Variants in CSNK1E observed in about 807,000 individuals in gnomAD.
The protein encoded by CSNK1E is casein kinase 1 epsilon.
Under a neutral mutation model 46.1 loss-of-function variants are expected in CSNK1E, and 17 were observed. That is an observed-to-expected ratio of 0.37 (90% CI 0.25 to 0.55). CSNK1E has a LOEUF of 0.55. Among genes scored for constraint, CSNK1E ranks in the 20% least tolerant of loss-of-function variants. The pLI is 0.82. For missense variants in CSNK1E, 386 were observed against 595.4 expected (o/e 0.65, Z 3.66); for synonymous variants, 241 against 242.6 (o/e 0.99, Z 0.06).
chr22:38,295,099 G>A (rs1048227692), intron 7 of CSNK1E, among the ~76,000 whole-genome samples: 3 of 152,184 alleles, frequency 2.0e-5, no homozygotes, highest in African/African-American at 4.8e-5. Flanking sequence ...TCCCCCTGCC[G>A]GGACCTGGCA....
At position 38,294,487 on chromosome 22, in the gene CSNK1E, G is replaced by A. The variant is rs755653189; in HGVS notation, c.933C>T (p.His311=). ...GCTGCCCCATCCTCTCCTCGCGTTC[G>A]TGTTCTCGCCGCTCCCGGTCCACAT... ...PEDVDRERRE[H]EREERMGQLR... Residue 311 remains histidine, a synonymous_variant, in exon 8 of 11, where the codon CAC becomes CAT. Transcript: ENST00000396832. The surrounding 1 kb of genome is among the most constrained non-coding windows in gnomAD (Gnocchi z 5.5). 16 of 1,594,474 alleles carry A rather than the reference G, an allele frequency of 1.0e-5. No individual in the cohort carries two copies. The highest frequency in any genetic ancestry group is 5.7e-5 in the South Asian group (5 of 88,234).
Position 38,291,338 on chromosome 22 carries a change from C to CCCCA in CSNK1E, c.*632_*633insTGGG, listed in dbSNP as rs1749798532. ...TCTTGGGAAACACAGGTCAATACAT[C>CCCCA]CACACACACACACACACACACACAC... On this transcript the variant is annotated 3_prime_UTR_variant, in exon 11 of 11. Transcript: ENST00000396832. 1 of 147,930 alleles carries CCCCA rather than the reference C, an allele frequency of 6.8e-6. No individual in the cohort carries two copies. The highest frequency in any genetic ancestry group is 1.5e-5 in the Non-Finnish European group (1 of 66,840). 9.2% of individuals were successfully genotyped at this position (147,930 alleles called of 1,614,324 possible).
chr22:38,317,978 G>C (rs1322728098), upstream of CSNK1E: 2 of 152,374 alleles, frequency 1.3e-5, no homozygotes, highest in African/African-American at 4.8e-5. Flanking sequence ...GGTAGCCTGG[G>C]CTCATACATT....
rs1201747282 is a variant in CSNK1E, at chr22:38,300,870, T to C, written c.419A>G (p.Lys140Arg). The C allele has an allele frequency of 2.5e-6, 4 of 1,614,100 alleles. No homozygotes were observed. The Admixed American group carries it at 6.7e-5, about 27-fold the overall frequency. ...GATGATGTAGACCAGGTTGCCCTTC[T>C]TCCCCAGCCCCATGAGGAAGTTGTC... is the stretch of plus-strand genomic sequence containing the variant. ...KPDNFLMGLG[K>R]KGNLVYIIDF... The change falls in exon 5 of 11, where the codon AAG (lysine) becomes AGG (arginine). Residue 140 changes from lysine to arginine, a missense_variant. Physicochemically the swap from Lys to Arg is conservative, Grantham distance 26. Coordinates refer to ENST00000396832, the MANE Select transcript of CSNK1E (RefSeq NM_152221.3). This position sits in a 1 kb window ranked among gnomAD's most constrained non-coding sequence, Gnocchi z 4.4.
intron 4 of CSNK1E, among the ~76,000 whole-genome samples, chr22:38,301,785 T>C (rs1162122427): frequency 6.6e-6 from 1 of 152,164 alleles, no homozygotes; most frequent in African/African-American, 2.4e-5. Flanking sequence ...CCTCTGGCTC[T>C]GGCCCCAGGT....
chr22:38,290,804 T>G lies in CSNK1E; in HGVS notation c.*1167A>C, dbSNP rs573873476. 1.1e-3 allele frequency: 162 copies of G among 151,982 alleles called. No individual in the cohort carries two copies. Among genetic ancestry groups the G allele is most frequent in the African/African-American group, 3.7e-3 (151 of 41,328 alleles). The allele number at this position is 151,982 out of a possible 1,614,324, so 9.4% of individuals were successfully genotyped here. On this transcript the variant is annotated 3_prime_UTR_variant, in exon 11 of 11. Transcript: ENST00000396832. ...AAATTCCCCCCAAAGTTCTTCAGTTTTTTTTTTTTCAGTTTTTTAAATTAC... is the reference window on the plus strand; with the variant it reads ...AAATTCCCCCCAAAGTTCTTCAGTTGTTTTTTTTTCAGTTTTTTAAATTAC...
chr22:38,298,873 G>A lies in CSNK1E; in HGVS notation c.798C>T (p.Tyr266=), dbSNP rs926215707. 1 of 1,614,228 alleles carries A rather than the reference G, an allele frequency of 6.2e-7. No individual in the cohort carries two copies. Among genetic ancestry groups the A allele is most frequent in the Admixed American group, 1.7e-5 (1 of 60,028 alleles). The stretch of plus-strand genomic sequence containing the variant: ...TGCGGAAGAGCTGACGTAGGTAAGA[G>A]TAGTCGGGCTTGTCGTCAAACCGCA... The part of the protein sequence containing the change: ...RSLRFDDKPD[Y]SYLRQLFRNL... The change falls in exon 7 of 11, where the codon TAC becomes TAT. Residue 266 remains tyrosine (Y), a synonymous_variant. Coordinates refer to ENST00000396832, the MANE Select transcript of CSNK1E (RefSeq NM_152221.3). This position sits in a 1 kb window ranked among gnomAD's most constrained non-coding sequence, Gnocchi z 4.2.
chr22:38,303,107 C>T lies in CSNK1E; in HGVS notation c.187+31G>A, dbSNP rs1325481586. ...TCATGGCTGCCCACCGCCACCCACC[C>T]GGCGCCCGCCGCCGCCCACCCTGCG... is the stretch of plus-strand genomic sequence containing the variant. On this transcript the variant is annotated intron_variant, in intron 3 of 10. Coordinates refer to ENST00000396832, the MANE Select transcript of CSNK1E (RefSeq NM_152221.3). The surrounding 1 kb of genome is among the most constrained non-coding windows in gnomAD (Gnocchi z 4.7). 7.4e-5 allele frequency: 118 copies of T among 1,598,052 alleles called. No homozygotes were observed. The highest frequency in any genetic ancestry group is 9.5e-5 in the Non-Finnish European group (112 of 1,173,400).
At chr22:38,297,952 C>T in intron 7 of CSNK1E, 1 of 1,125,624 alleles carries the variant, frequency 8.9e-7, no homozygotes, top group Non-Finnish European at 1.1e-6. Flanking sequence ...TCCACCTCCT[C>T]CACCGGCCTA....
intron 4 of CSNK1E, 92 bp downstream of exon 4, chr22:38,302,769 C>T: frequency 6.7e-7 from 1 of 1,494,122 alleles, no homozygotes; most frequent in Non-Finnish European, 9.2e-7. Context: ...CTGGCCCAGG[C>T]CCATCCTCTG....
chr22:38,308,453 A>G (rs1450033753), intron 2 of CSNK1E, among the ~76,000 whole-genome samples: 1 of 152,028 alleles, frequency 6.6e-6, no homozygotes, highest in Admixed American at 6.6e-5. Flanking sequence ...TGAGTTTCAG[A>G]GCCAACCTAC....
Position 38,300,712 on chromosome 22 carries a change from T to C in CSNK1E, c.565+12A>G. Reference sequence around the variant, plus strand: ...CCCCGGGTGCACACTGCTCCAGGCCTGGCTCCCTCACCAATGCCCAGGTGC... The same window carrying C: ...CCCCGGGTGCACACTGCTCCAGGCCCGGCTCCCTCACCAATGCCCAGGTGC... On this transcript the variant is annotated intron_variant, in intron 5 of 10. Coordinates refer to ENST00000396832, the MANE Select transcript of CSNK1E (RefSeq NM_152221.3). The surrounding 1 kb of genome is among the most constrained non-coding windows in gnomAD (Gnocchi z 4.4). The C allele has an allele frequency of 6.2e-7, 1 of 1,613,334 alleles. No homozygotes were observed. The highest frequency in any genetic ancestry group is 8.5e-7 in the Non-Finnish European group (1 of 1,179,392).
chr22:38,296,347 T>C, intron 7 of CSNK1E: 6 of 1,365,694 alleles, frequency 4.4e-6, no homozygotes, highest in South Asian at 3.6e-5. Flanking sequence ...CGGAACACAG[T>C]GGCTGTATGT....
chr22:38,297,758 T>A, intron 7 of CSNK1E: 4 of 998,722 alleles, frequency 4.0e-6, no homozygotes, highest in Non-Finnish European at 4.8e-6. Context: ...AAGGACCCCA[T>A]GGCAGGGCCT....
At position 38,300,579 on chromosome 22, in the gene CSNK1E, G is replaced by A. The variant is rs2092665838; in HGVS notation, c.565+145C>T. On this transcript the variant is annotated intron_variant, in intron 5 of 10. Transcript: ENST00000396832. This position sits in a 1 kb window ranked among gnomAD's most constrained non-coding sequence, Gnocchi z 4.4. Reference sequence around the variant, plus strand: ...CTGTGCAAGGACACGGAATAAGCACGAGCTTGGGGGCAGACGGGGTGGGGA... The same window carrying A: ...CTGTGCAAGGACACGGAATAAGCACAAGCTTGGGGGCAGACGGGGTGGGGA... The A allele has an allele frequency of 6.5e-6, 5 of 766,420 alleles. No individual in the cohort carries two copies. The highest frequency in any genetic ancestry group is 3.6e-5 in the South Asian group (2 of 55,684). The allele number at this position is 766,420 out of a possible 1,614,324, so 47.5% of individuals were successfully genotyped here.
intron 2 of CSNK1E, among the ~76,000 whole-genome samples, chr22:38,313,567 A>G (rs976331176): frequency 1.3e-5 from 2 of 152,190 alleles, no homozygotes; most frequent in Non-Finnish European, 2.9e-5. Flanking sequence ...AAAGAGAGAG[A>G]GAGAACTCCC....
chr22:38,291,486 T>C lies in CSNK1E; in HGVS notation c.*485A>G, dbSNP rs2092610425. 6.6e-6 allele frequency: 1 copy of C among 151,640 alleles called. No individual in the cohort carries two copies. The highest frequency in any genetic ancestry group is 2.4e-5 in the African/African-American group (1 of 41,188). The allele number at this position is 151,640 out of a possible 1,614,324, so 9.4% of individuals were successfully genotyped here. ...GAAGTCAGCCACTGTCATCTCAGAGTGGGTGGGGCTGTGCGTATCTCCTGG... is the reference window on the plus strand; with the variant it reads ...GAAGTCAGCCACTGTCATCTCAGAGCGGGTGGGGCTGTGCGTATCTCCTGG... On this transcript the variant is annotated 3_prime_UTR_variant, in exon 11 of 11. Transcript: ENST00000396832.
chr22:38,301,001 ACTCT>A, intron 4 of CSNK1E, 49 bp from the exon 5 acceptor site: 1 of 1,511,332 alleles, frequency 6.6e-7, no homozygotes, highest in Non-Finnish European at 9.2e-7. Context: ...CTTGCCTAGC[ACTCT>A]GGGCCAGGCA....
chr22:38,315,371 G>A (rs997917338), intron 1 of CSNK1E, among the ~76,000 whole-genome samples: 2 of 152,232 alleles, frequency 1.3e-5, no homozygotes, highest in African/African-American at 2.4e-5. Context: ...TGGCTCCCAA[G>A]GAGCTCACCA....
Sources: allele counts gnomAD v4.1 joint callset (sites outside exome capture counted in the v4.1 genomes callset), GRCh38; gene constraint gnomAD v4.1.1; non-coding constraint Gnocchi (gnomAD v3.1); transcripts MANE v1.5; gene names NCBI Gene and HGNC (gene_info 2026-07-23, HGNC 2026-07-21).